DENND2B: variants seen among roughly 807,000 people sequenced by gnomAD.
The protein encoded by DENND2B is DENN domain-containing protein 2B.
A neutral mutation model predicts 116.0 loss-of-function variants in DENND2B; 32 were observed. That is an observed-to-expected ratio of 0.28 (90% CI 0.21 to 0.37). The LOEUF (loss-of-function observed/expected upper bound fraction) is 0.37. Among genes scored for constraint, DENND2B ranks in the 10% least tolerant of loss-of-function variants. DENND2B has a pLI of 1.00. For missense variants in DENND2B, 1,276 were observed against 1,477.7 expected (o/e 0.86, Z 2.24); for synonymous variants, 588 against 583.9 (o/e 1.01, Z -0.10).
At chr11:8,768,167 C>A (rs1049080905) in intron 1 of DENND2B, among the ~76,000 whole-genome samples, 17 of 152,034 alleles carry the variant, frequency 1.1e-4, no homozygotes, top group Non-Finnish European at 2.5e-4. Context: ...TCCCTCAACC[C>A]AGCAATAAAA....
At chr11:8,741,205 A>G (rs2050142022) in intron 2 of DENND2B, among the ~76,000 whole-genome samples, 1 of 152,216 alleles carries the variant, frequency 6.6e-6, no homozygotes, top group South Asian at 2.1e-4. Context: ...AGTGAGAGTC[A>G]CAGCATAAAT....
chr11:8,776,837 G>A (rs2057790453), intron 1 of DENND2B, among the ~76,000 whole-genome samples: 1 of 152,092 alleles, frequency 6.6e-6, no homozygotes, highest in African/African-American at 2.4e-5. Flanking sequence ...TCACATCCCT[G>A]CCCTAAGCCA....
rs535129497 is a variant in DENND2B at position 8,708,025 on chromosome 11, C to A, written c.2353-171G>T. ...AACCAGAGCCCTGAAGGAACAGCCA[C>A]CACTCTCAGGACAGGCCTCAGCTCT... On this transcript the variant is annotated intron_variant, in intron 11 of 19. Coordinates refer to ENST00000313726, the MANE Select transcript of DENND2B (RefSeq NM_213618.2). The A allele has an allele frequency of 7.0e-5, 106 of 1,524,158 alleles. 1 individual carries two copies. The African/African-American group carries it at 1.3e-3, about 19-fold the overall frequency. The allele number at this position is 1,524,158 out of a possible 1,614,324, so 94.4% of individuals were successfully genotyped here. A position where few individuals can be genotyped will look rare whatever the true frequency, so the allele number is the denominator to read the frequency against.
At chr11:8,825,631 G>A (rs1357766523) in intron 4 of DENND2B, among the ~76,000 whole-genome samples, 1 of 151,832 alleles carries the variant, frequency 6.6e-6, no homozygotes, top group Non-Finnish European at 1.5e-5. Flanking sequence ...TTAATTGGGA[G>A]GGATAATGAA....
intron 1 of DENND2B, among the ~76,000 whole-genome samples, chr11:8,754,335 G>A (rs2053223754): frequency 6.6e-6 from 1 of 152,142 alleles, no homozygotes; most frequent in African/African-American, 2.4e-5. Flanking sequence ...AATATCATTA[G>A]TCATTAGGGA....
At chr11:8,885,599 A>C (rs180871457) in intron 1 of DENND2B, among the ~76,000 whole-genome samples, 62 of 152,362 alleles carry the variant, frequency 4.1e-4, no homozygotes, top group African/African-American at 7.2e-4. Flanking sequence ...TGCATTTCTA[A>C]CTACATAATG....
At chr11:8,851,490 C>G (rs2063005597) in intron 3 of DENND2B, among the ~76,000 whole-genome samples, 7 of 152,128 alleles carry the variant, frequency 4.6e-5, no homozygotes, top group Admixed American at 4.6e-4. Context: ...TATCTTCATT[C>G]TTTTTAGTTT....
At chr11:8,729,623 C>T (rs1193215204) in intron 3 of DENND2B, among the ~76,000 whole-genome samples, 1 of 152,194 alleles carries the variant, frequency 6.6e-6, no homozygotes, top group Non-Finnish European at 1.5e-5. Context: ...GCCTGCTTTA[C>T]CTACTCCCAA....
At chr11:8,856,752 C>CTTTT (rs397961269) in intron 3 of DENND2B, among the ~76,000 whole-genome samples, 1 of 143,466 alleles carries the variant, frequency 7.0e-6, no homozygotes, top group Non-Finnish European at 1.5e-5. Context: ...TCACTATTTT[C>CTTTT]TTTTTTTTTT....
At chr11:8,746,095 G>A (rs1229033078) in intron 2 of DENND2B, among the ~76,000 whole-genome samples, 1 of 144,660 alleles carries the variant, frequency 6.9e-6, no homozygotes, top group African/African-American at 2.6e-5. Flanking sequence ...TCGAGTAACA[G>A]GGGCTGAGGC....
intron 1 of DENND2B, among the ~76,000 whole-genome samples, chr11:8,761,615 T>G (rs1042532801): frequency 6.6e-6 from 1 of 152,220 alleles, no homozygotes; most frequent in Non-Finnish European, 1.5e-5. Flanking sequence ...CCCCCCATTC[T>G]TTCTTAAATA....
chr11:8,783,102 T>C (rs2058557176), intron 1 of DENND2B, among the ~76,000 whole-genome samples: 1 of 149,700 alleles, frequency 6.7e-6, no homozygotes, highest in African/African-American at 2.5e-5. Flanking sequence ...TTGCCCAGAT[T>C]GGAGTGCAGT....
chr11:8,889,894 G>GT (rs776055333), intron 1 of DENND2B, among the ~76,000 whole-genome samples: 42 of 152,202 alleles, frequency 2.8e-4, no homozygotes, highest in Non-Finnish European at 5.4e-4. Flanking sequence ...GAAGAGAGTA[G>GT]TGGTTCTCCA....
chr11:8,801,102 C>G (rs759265098), intron 1 of DENND2B, among the ~76,000 whole-genome samples: 1 of 151,750 alleles, frequency 6.6e-6, no homozygotes, highest in East Asian at 1.9e-4. Context: ...CCATTCTGCT[C>G]TTTGACACTG....
chr11:8,698,070 G>A, intron 16 of DENND2B: 2 of 316,952 alleles, frequency 6.3e-6, no homozygotes, highest in East Asian at 1.8e-4. Context: ...AGCCCAGGCA[G>A]GTCGAGGCTG....
chr11:8,811,808 A>T (rs2061387883), upstream of DENND2B, among the ~76,000 whole-genome samples: 1 of 152,188 alleles, frequency 6.6e-6, no homozygotes, highest in Non-Finnish European at 1.5e-5. Context: ...ATCATAGCTC[A>T]CTACATCATC....
intron 1 of DENND2B, chr11:8,809,608 C>T (rs1212634356): frequency 6.6e-6 from 1 of 152,380 alleles, no homozygotes; most frequent in African/African-American, 2.4e-5. Flanking sequence ...TCCAAGGCCA[C>T]ACAGCTCACC....
At chr11:8,892,393 G>C (rs2064045185) in intron 1 of DENND2B, among the ~76,000 whole-genome samples, 1 of 152,086 alleles carries the variant, frequency 6.6e-6, no homozygotes, top group African/African-American at 2.4e-5. Context: ...AAATAACTAA[G>C]ATCAGAGCAG....
intron 3 of DENND2B, among the ~76,000 whole-genome samples, chr11:8,727,596 A>G (rs1222929259): frequency 6.6e-6 from 1 of 152,186 alleles, no homozygotes; most frequent in East Asian, 1.9e-4. Context: ...GGCCATTGCC[A>G]TATCTACCAT....
Sources: allele counts gnomAD v4.1 joint callset (sites outside exome capture counted in the v4.1 genomes callset), GRCh38; gene constraint gnomAD v4.1.1; transcripts MANE v1.5; gene names NCBI Gene and HGNC (gene_info 2026-07-23, HGNC 2026-07-21).